GRB14: variants seen among roughly 807,000 people sequenced by gnomAD.
The protein encoded by GRB14 is growth factor receptor-bound protein 14.
Under a neutral mutation model 69.1 loss-of-function variants are expected in GRB14, and 38 were observed. The observed-to-expected ratio is 0.55, with a 90% CI of 0.42 to 0.72. The LOEUF (loss-of-function observed/expected upper bound fraction) is 0.72. Among genes scored for constraint, GRB14 ranks in the 30% least tolerant of loss-of-function variants. The probability of loss-of-function intolerance (pLI) is 0.00; values close to 1 mark genes in which losing one functional copy is unlikely to be tolerated. For missense variants in GRB14, 666 were observed against 666.1 expected, an observed-to-expected ratio of 1.00 and a Z score of 0.00; for synonymous variants, 247 against 241.3, an observed-to-expected ratio of 1.02 and a Z score of -0.22.
chr2:164,500,943 A>G (rs1687033481), intron 9 of GRB14, among the ~76,000 whole-genome samples: 1 of 152,152 alleles, frequency 6.6e-6, no homozygotes, highest in Non-Finnish European at 1.5e-5. Flanking sequence ...AGAGGACATT[A>G]AATAATTGCC....
chr2:164,616,466 C>T (rs977979541), intron 2 of GRB14, among the ~76,000 whole-genome samples: 16 of 148,488 alleles, frequency 1.1e-4, no homozygotes, highest in African/African-American at 3.0e-4. Flanking sequence ...TGGATTCTCT[C>T]TCACTCTAGC....
intron 2 of GRB14, among the ~76,000 whole-genome samples, chr2:164,566,241 A>C (rs1041858234): frequency 7.2e-5 from 11 of 152,218 alleles, no homozygotes; most frequent in African/African-American, 2.7e-4. Context: ...ATTGGAAGAA[A>C]AAATTAATCA....
At chr2:164,608,151 C>G (rs377364756) in intron 2 of GRB14, among the ~76,000 whole-genome samples, 1 of 152,082 alleles carries the variant, frequency 6.6e-6, no homozygotes, top group South Asian at 2.1e-4. Context: ...GCGGGCAGAT[C>G]AACTGAGGTC....
At position 164,596,738 on chromosome 2, in the gene GRB14, T is replaced by C. The variant is rs1345408669; in HGVS notation, c.324+22949A>G. ...CAACTTGGGACTTGTTAGCATCTTA[T>C]TTTTACACTTCAAATCAGGCTCAAG... is the stretch of plus-strand genomic sequence containing the variant. On this transcript the variant is annotated intron_variant, in intron 2 of 13. Coordinates refer to ENST00000263915, the MANE Select transcript of GRB14 (RefSeq NM_004490.3). Among the ~76,000 whole-genome samples, 5 of 152,324 alleles carry C rather than the reference T, an allele frequency of 3.3e-5. No homozygotes were observed. The East Asian group carries it at 9.7e-4, about 29-fold the overall frequency.
At chr2:164,560,193 C>T (rs947717441) in intron 2 of GRB14, among the ~76,000 whole-genome samples, 1 of 152,162 alleles carries the variant, frequency 6.6e-6, no homozygotes, top group Non-Finnish European at 1.5e-5. Context: ...CTTTAAGCTG[C>T]TGCTTCTACA....
At chr2:164,617,605 A>G (rs1690328709) in intron 2 of GRB14, among the ~76,000 whole-genome samples, 3 of 151,902 alleles carry the variant, frequency 2.0e-5, no homozygotes, top group Admixed American at 6.6e-5. Flanking sequence ...ACCTCTTCTC[A>G]CTTTCTATTC....
chr2:164,586,114 A>G (rs1689532623), intron 2 of GRB14, among the ~76,000 whole-genome samples: 3 of 152,220 alleles, frequency 2.0e-5, no homozygotes, highest in Admixed American at 2.0e-4. Context: ...TTTTAAAGGA[A>G]GAGGTCATGA....
intron 2 of GRB14, among the ~76,000 whole-genome samples, chr2:164,560,454 T>G (rs1236708521): frequency 6.6e-6 from 1 of 152,180 alleles, no homozygotes; most frequent in East Asian, 1.9e-4. Flanking sequence ...ACTGCAACCT[T>G]GTTAAAACTA....
chr2:164,522,268 A>G (rs1319085591), intron 5 of GRB14, 151 bp from the exon 6 acceptor site: 1 of 592,104 alleles, frequency 1.7e-6, no homozygotes, highest in East Asian at 2.8e-5. Context: ...GTGTTTGTGT[A>G]TACTGCATTG....
chr2:164,567,344 G>T (rs1038343134), intron 2 of GRB14, among the ~76,000 whole-genome samples: 1 of 152,026 alleles, frequency 6.6e-6, no homozygotes. Flanking sequence ...GAGGCACTTC[G>T]TTTTTAAAAA....
At chr2:164,619,010 T>G (rs1261668560) in intron 2 of GRB14, among the ~76,000 whole-genome samples, 2 of 152,200 alleles carry the variant, frequency 1.3e-5, no homozygotes, top group African/African-American at 2.4e-5. Flanking sequence ...CCCCTCCAAA[T>G]GTACAGCCAT....
At chr2:164,590,798 T>C (rs773316002) in intron 2 of GRB14, among the ~76,000 whole-genome samples, 2 of 152,328 alleles carry the variant, frequency 1.3e-5, no homozygotes, top group East Asian at 1.9e-4. Flanking sequence ...ATTATTTGAA[T>C]AGAAAATATT....
intron 2 of GRB14, among the ~76,000 whole-genome samples, chr2:164,599,181 T>C (rs1031477579): frequency 5.3e-5 from 8 of 152,084 alleles, no homozygotes; most frequent in Non-Finnish European, 1.2e-4. Flanking sequence ...TGCCTCGATA[T>C]AGTCAGAGAG....
chr2:164,537,852 G>C (rs1688118603), intron 3 of GRB14, among the ~76,000 whole-genome samples: 1 of 152,152 alleles, frequency 6.6e-6, no homozygotes, highest in African/African-American at 2.4e-5. Context: ...ATGGAAGGAA[G>C]CACAGTGCCA....
rs1204277997 is a variant in GRB14 at position 164,621,046 on chromosome 2, C to A, written c.191+73G>T. On this transcript the variant is annotated intron_variant, in intron 1 of 13. Transcript: ENST00000263915. The surrounding 1 kb of genome is among the most constrained non-coding windows in gnomAD (Gnocchi z 6.0). ...CAGCTCTGGGCACATGGCTCACCCC[C>A]TAGGACCGCCTCCTCACCCCCTCGC... 8.3e-7 allele frequency: 1 copy of A among 1,204,168 alleles called. No homozygotes were observed. The allele number at this position is 1,204,168 out of a possible 1,614,324, so 74.6% of individuals were successfully genotyped here. A position where few individuals can be genotyped will look rare whatever the true frequency, so the allele number is the denominator to read the frequency against.
intron 2 of GRB14, among the ~76,000 whole-genome samples, chr2:164,549,928 TAAAA>T (rs1343552518): frequency 1.3e-4 from 19 of 150,560 alleles, no homozygotes; most frequent in Middle Eastern, 3.4e-3. Flanking sequence ...TAAAATAAAA[TAAAA>T]TAAAATTTCA....
chr2:164,594,230 G>C (rs1256011741), intron 2 of GRB14, among the ~76,000 whole-genome samples: 1 of 152,084 alleles, frequency 6.6e-6, no homozygotes, highest in African/African-American at 2.4e-5. Context: ...CAAAAAAAAG[G>C]GTTACCTCCT....
chr2:164,523,729 T>A (rs1326620224), intron 5 of GRB14, among the ~76,000 whole-genome samples: 1 of 152,068 alleles, frequency 6.6e-6, no homozygotes, highest in Non-Finnish European at 1.5e-5. Flanking sequence ...AAGAAACCTT[T>A]TAAAAAGGGG....
intron 6 of GRB14, among the ~76,000 whole-genome samples, chr2:164,519,242 A>C (rs978582515): frequency 2.6e-5 from 4 of 152,198 alleles, no homozygotes; most frequent in Non-Finnish European, 4.4e-5. Flanking sequence ...AATGTGATAC[A>C]ACACATAAAC....
Sources: allele counts gnomAD v4.1 joint callset (sites outside exome capture counted in the v4.1 genomes callset), GRCh38; gene constraint gnomAD v4.1.1; non-coding constraint Gnocchi (gnomAD v3.1); transcripts MANE v1.5; gene names NCBI Gene and HGNC (gene_info 2026-07-23, HGNC 2026-07-21).